ZNF804A: variants seen among roughly 807,000 people sequenced by gnomAD.
The protein encoded by ZNF804A is zinc finger protein 804A.
ZNF804A carries 2 observed loss-of-function variants against 16.5 expected under a neutral mutation model. That is an observed-to-expected ratio of 0.12 (90% CI 0.05 to 0.38). ZNF804A has a LOEUF of 0.38. Among genes scored for constraint, ZNF804A ranks in the 10% least tolerant of loss-of-function variants. The probability of loss-of-function intolerance (pLI) is 0.99; values close to 1 mark genes in which losing one functional copy is unlikely to be tolerated. For synonymous variants in ZNF804A, 534 were observed against 489.6 expected (o/e 1.09, Z -1.20); for missense variants, 1,473 against 1,390.7 (o/e 1.06, Z -0.94).
At chr2:184,796,706 G>A (rs1046557798) in intron 1 of ZNF804A, among the ~76,000 whole-genome samples, 10 of 151,960 alleles carry the variant, frequency 6.6e-5, no homozygotes, top group African/African-American at 2.4e-4. Context: ...AGTTCCTTGA[G>A]GTGTGTCCTT....
chr2:184,630,353 C>A (rs182482777), intron 1 of ZNF804A, among the ~76,000 whole-genome samples: 3,072 of 152,230 alleles, frequency 0.02, 120 homozygotes, highest in African/African-American at 0.069. Flanking sequence ...AGGATGTCTC[C>A]TGGCTCCTTT....
At chr2:184,742,732 A>G (rs987717875) in intron 1 of ZNF804A, among the ~76,000 whole-genome samples, 1 of 150,884 alleles carries the variant, frequency 6.6e-6, no homozygotes, top group African/African-American at 2.4e-5. Flanking sequence ...AGATAAATAA[A>G]TATATATATA....
chr2:184,866,637 T>C, intron 2 of ZNF804A, 125 bp downstream of exon 2: 1 of 848,936 alleles, frequency 1.2e-6, no homozygotes, highest in East Asian at 3.3e-5. Flanking sequence ...TTTTGAAATA[T>C]ATCATTCTGG....
intron 1 of ZNF804A, among the ~76,000 whole-genome samples, chr2:184,853,592 C>T (rs887419411): frequency 1.3e-5 from 2 of 151,706 alleles, no homozygotes; most frequent in Non-Finnish European, 3.0e-5. Flanking sequence ...TTTTTGAGAG[C>T]ATTTATCATG....
intron 1 of ZNF804A, among the ~76,000 whole-genome samples, chr2:184,730,437 A>C (rs192524510): frequency 2.8e-4 from 42 of 152,300 alleles, no homozygotes; most frequent in Admixed American, 2.6e-3. Flanking sequence ...TATACATTCT[A>C]TGGGTTTTGA....
intron 1 of ZNF804A, among the ~76,000 whole-genome samples, chr2:184,841,108 G>A (rs1050313137): frequency 6.6e-6 from 1 of 152,082 alleles, no homozygotes; most frequent in Non-Finnish European, 1.5e-5. Context: ...TGTAATTCCT[G>A]CACTATCTTT....
At position 184,796,223 on chromosome 2, in the gene ZNF804A, T is replaced by A. The variant is rs190702326; in HGVS notation, c.112-70146T>A. ...CCTGGTTTTGGTATTAGGGTGATAC[T>A]GACTTCATAAAATGATTTAGGGAGG... On this transcript the variant is annotated intron_variant, in intron 1 of 3. Coordinates refer to ENST00000302277, the MANE Select transcript of ZNF804A (RefSeq NM_194250.2). Among the ~76,000 whole-genome samples, 3 of 152,274 alleles carry A rather than the reference T, an allele frequency of 2.0e-5. No homozygotes were observed. The East Asian group carries it at 5.8e-4, about 29-fold the overall frequency.
At chr2:184,760,177 CAG>C (rs1344758530) in intron 1 of ZNF804A, among the ~76,000 whole-genome samples, 1 of 152,194 alleles carries the variant, frequency 6.6e-6, no homozygotes, top group Admixed American at 6.5e-5. Context: ...ATGCATGTCA[CAG>C]GGGATACAAT....
At position 184,937,040 on chromosome 2, in the gene ZNF804A, T is replaced by G; in HGVS notation, c.1644T>G (p.Tyr548Ter). 1.2e-6 allele frequency: 2 copies of G among 1,608,434 alleles called. No homozygotes were observed. The highest frequency in any genetic ancestry group is 1.7e-6 in the Non-Finnish European group (2 of 1,178,360). ...AAAATGAGAACACAGGTCAGAGGTA[T>G]AAAAACATTTCCTGTAAGATCAGAG... ...SGKNENTGQR[Y>*]KNISCKIRET... Residue 548 changes from tyrosine (Y) to a stop codon, truncating the protein, a stop_gained, in exon 4 of 4, where the codon TAT (tyrosine) becomes TAG (stop). Coordinates refer to ENST00000302277, the MANE Select transcript of ZNF804A (RefSeq NM_194250.2). LOFTEE classifies it low-confidence loss of function (END_TRUNC).
At chr2:184,820,918 G>T (rs1010985633) in intron 1 of ZNF804A, among the ~76,000 whole-genome samples, 4 of 152,040 alleles carry the variant, frequency 2.6e-5, no homozygotes, top group African/African-American at 7.2e-5. Context: ...AATCAGAGAG[G>T]CCACAAACAA....
intron 1 of ZNF804A, among the ~76,000 whole-genome samples, chr2:184,662,332 T>C (rs1443567512): frequency 6.6e-6 from 1 of 152,188 alleles, no homozygotes; most frequent in African/African-American, 2.4e-5. Flanking sequence ...TAATAGACTA[T>C]ATACTTCATT....
intron 1 of ZNF804A, among the ~76,000 whole-genome samples, chr2:184,752,699 C>G (rs1693895290): frequency 6.6e-6 from 1 of 151,500 alleles, no homozygotes; most frequent in African/African-American, 2.4e-5. Context: ...GATAATATTC[C>G]TAATACGTAA....
chr2:184,685,245 A>G (rs1027919208), intron 1 of ZNF804A, among the ~76,000 whole-genome samples: 3 of 152,044 alleles, frequency 2.0e-5, no homozygotes, highest in Non-Finnish European at 2.9e-5. Context: ...GCAGGCCCCC[A>G]TGTCTAGATG....
intron 1 of ZNF804A, among the ~76,000 whole-genome samples, chr2:184,668,783 C>T (rs960601261): frequency 6.6e-6 from 1 of 151,892 alleles, no homozygotes; most frequent in East Asian, 1.9e-4. Flanking sequence ...AATGTATCTA[C>T]AAGGTCAAAG....
intron 1 of ZNF804A, among the ~76,000 whole-genome samples, chr2:184,708,565 A>G (rs1350526643): frequency 1.3e-5 from 2 of 152,158 alleles, no homozygotes; most frequent in Non-Finnish European, 2.9e-5. Context: ...AAATTCAACA[A>G]ACGGTGCTGG....
intron 1 of ZNF804A, among the ~76,000 whole-genome samples, chr2:184,796,054 C>A (rs1400314690): frequency 1.3e-5 from 2 of 151,892 alleles, no homozygotes; most frequent in African/African-American, 2.4e-5. Context: ...TCCCTGTATC[C>A]CTGGTATGAA....
At chr2:184,702,899 CT>C (rs1328390658) in intron 1 of ZNF804A, among the ~76,000 whole-genome samples, 27 of 152,046 alleles carry the variant, frequency 1.8e-4, no homozygotes, top group African/African-American at 6.3e-4. Flanking sequence ...AGTTTTGTTC[CT>C]TCTCATTTTG....
intron 1 of ZNF804A, among the ~76,000 whole-genome samples, chr2:184,654,909 G>A (rs1692049441): frequency 6.6e-6 from 1 of 152,126 alleles, no homozygotes; most frequent in Non-Finnish European, 1.5e-5. Context: ...TTTTCCTTAT[G>A]GTGATGTACC....
intron 1 of ZNF804A, among the ~76,000 whole-genome samples, chr2:184,604,641 G>T (rs1280295636): frequency 1.3e-5 from 2 of 152,084 alleles, no homozygotes; most frequent in Non-Finnish European, 2.9e-5. Flanking sequence ...ACACTTCTCC[G>T]TTTTCCACTG....
Sources: gnomAD v4.1 joint callset for allele counts (sites outside exome capture counted in the v4.1 genomes callset) on GRCh38, gnomAD v4.1.1 for gene constraint, MANE v1.5 for transcripts, NCBI Gene and HGNC (gene_info 2026-07-23, HGNC 2026-07-21) for gene names.